Variants in IL19 observed in about 807,000 individuals in gnomAD.
IL19 encodes interleukin 19.
A neutral mutation model predicts 19.5 loss-of-function variants in IL19; 15 were observed. That is an observed-to-expected ratio of 0.77 (90% CI 0.52 to 1.19). The LOEUF (loss-of-function observed/expected upper bound fraction) is 1.19, where lower values mean the gene tolerates loss of function less well. Ranked by LOEUF, IL19 falls within the 50% of genes most tolerant of loss-of-function variation. The probability of loss-of-function intolerance (pLI) is 0.00; values close to 1 mark genes in which losing one functional copy is unlikely to be tolerated. For missense variants in IL19, 199 were observed against 213.1 expected, an observed-to-expected ratio of 0.93 and a Z score of 0.41; for synonymous variants, 78 against 78.3, an observed-to-expected ratio of 1.00 and a Z score of 0.02.
intron 1 of IL19, among the ~76,000 whole-genome samples, chr1:206,775,134 G>A (rs943296136): frequency 6.6e-6 from 1 of 151,652 alleles, no homozygotes; most frequent in African/African-American, 2.4e-5. Context: ...TCTGCCTCCC[G>A]AGTTCAAGCC....
intron 1 of IL19, among the ~76,000 whole-genome samples, chr1:206,791,691 C>T (rs532341040): frequency 2.0e-5 from 3 of 152,316 alleles, no homozygotes; most frequent in Admixed American, 6.5e-5. Context: ...CTCTCACTAG[C>T]GTTTTGGCTT....
intron 1 of IL19, among the ~76,000 whole-genome samples, chr1:206,789,967 G>A (rs116810728): frequency 7.2e-5 from 11 of 152,234 alleles, no homozygotes; most frequent in African/African-American, 2.4e-4. Context: ...CTTTCCAATT[G>A]TGAATTGTGC....
intron 5 of IL19, 121 bp from the exon 6 acceptor site, chr1:206,840,883 A>T: frequency 1.3e-6 from 1 of 770,912 alleles, no homozygotes; most frequent in Non-Finnish European, 2.3e-6. Flanking sequence ...ACCTGAGTTT[A>T]CTCATCTGAC....
intron 2 of IL19, among the ~76,000 whole-genome samples, chr1:206,826,938 C>G (rs1022402400): frequency 1.3e-5 from 2 of 152,200 alleles, no homozygotes; most frequent in African/African-American, 4.8e-5. Context: ...GCCTCCGGTC[C>G]CAGCTCCACC....
chr1:206,777,024 G>C (rs1364056972), intron 1 of IL19, among the ~76,000 whole-genome samples: 3 of 151,448 alleles, frequency 2.0e-5, no homozygotes, highest in Non-Finnish European at 4.4e-5. Flanking sequence ...GAGGTCAGGA[G>C]ATTGAGACCA....
intron 1 of IL19, among the ~76,000 whole-genome samples, chr1:206,796,589 CTATGTTTAGA>C (rs1019331218): frequency 2.2e-4 from 33 of 152,242 alleles, no homozygotes; most frequent in African/African-American, 7.0e-4. Flanking sequence ...TATACCTTTT[CTATGTTTAGA>C]TATGTTTAGA....
At chr1:206,817,846 C>T (rs1029375310) in intron 2 of IL19, among the ~76,000 whole-genome samples, 1 of 151,842 alleles carries the variant, frequency 6.6e-6, no homozygotes, top group Non-Finnish European at 1.5e-5. Context: ...TCACTGCAAC[C>T]TCTGCCTTCT....
At chr1:206,824,694 A>G (rs987001522) in intron 2 of IL19, among the ~76,000 whole-genome samples, 2 of 152,366 alleles carry the variant, frequency 1.3e-5, no homozygotes, top group Middle Eastern at 3.4e-3. Context: ...ACTGAGGCAC[A>G]GAGAGATTAA....
At chr1:206,782,244 C>A (rs1286172310) in intron 1 of IL19, among the ~76,000 whole-genome samples, 1 of 152,024 alleles carries the variant, frequency 6.6e-6, no homozygotes, top group Non-Finnish European at 1.5e-5. Flanking sequence ...CAGTGTTCTG[C>A]ATTTTTTTCC....
chr1:206,791,557 C>T (rs1269286438), intron 1 of IL19, among the ~76,000 whole-genome samples: 2 of 152,178 alleles, frequency 1.3e-5, no homozygotes, highest in African/African-American at 2.4e-5. Flanking sequence ...CCCGCCTTGG[C>T]CTCCCAAAGT....
At chr1:206,831,164 G>T (rs1676599521) in intron 2 of IL19, among the ~76,000 whole-genome samples, 4 of 152,164 alleles carry the variant, frequency 2.6e-5, no homozygotes, top group Admixed American at 1.3e-4. Context: ...AATTGCCCTG[G>T]CATCATTATG....
At chr1:206,824,449 T>G (rs753596155) in intron 2 of IL19, among the ~76,000 whole-genome samples, 28 of 152,184 alleles carry the variant, frequency 1.8e-4, no homozygotes, top group Admixed American at 4.6e-4. Flanking sequence ...AAACATAGAC[T>G]CTCTTCAGTG....
chr1:206,812,625 G>A (rs774620900), intron 2 of IL19, among the ~76,000 whole-genome samples: 1 of 152,150 alleles, frequency 6.6e-6, no homozygotes, highest in African/African-American at 2.4e-5. Context: ...CCAGCCCCTG[G>A]CTAAAGGCAT....
chr1:206,793,710 G>GA (rs1276835963), intron 1 of IL19, among the ~76,000 whole-genome samples: 1 of 152,172 alleles, frequency 6.6e-6, no homozygotes, highest in Non-Finnish European at 1.5e-5. Context: ...ACACGAGGCA[G>GA]AAAAAAATAA....
chr1:206,815,604 C>T (rs1276470495), intron 2 of IL19, among the ~76,000 whole-genome samples: 1 of 152,122 alleles, frequency 6.6e-6, no homozygotes. Flanking sequence ...TTATCCACCA[C>T]GATTTTGGAG....
rs181656413 is a variant in IL19 at position 206,811,561 on chromosome 1, G to A, written c.-3+12555G>A. On this transcript the variant is annotated intron_variant, in intron 2 of 6. Transcript: ENST00000659997. ...TCTTGATTGAAGGTGGACAAATGAC[G>A]CATCCTGTGGATTTCAGTTAATATC... Among the ~76,000 whole-genome samples, 610 of 151,986 alleles carry A rather than the reference G, an allele frequency of 4.0e-3. 2 individuals carry two copies. Among genetic ancestry groups the A allele is most frequent in the South Asian group, 8.9e-3 (43 of 4,806 alleles).
chr1:206,841,224 AAG>A (rs1055512784), intron 6 of IL19, 146 bp downstream of exon 6: 1 of 666,730 alleles, frequency 1.5e-6, no homozygotes, highest in Non-Finnish European at 2.7e-6. Context: ...TGTGTCTGTA[AAG>A]AGAGTTTTGA....
At chr1:206,840,031 C>T in intron 5 of IL19, 29 bp downstream of exon 5, 4 of 1,613,716 alleles carry the variant, frequency 2.5e-6, no homozygotes, top group Non-Finnish European at 3.4e-6. Flanking sequence ...ATTCCAGCAT[C>T]TGCTCCCTGT....
rs964435319 is a variant in IL19 at position 206,799,001 on chromosome 1, C to T, written c.-8C>T. On this transcript the variant is annotated 5_prime_UTR_variant, in exon 2 of 7. Transcript: ENST00000659997. ...GTGCCAGTGCTTTGGGGCTCTGTTC[C>T]ACGGGGTAAGTAATTTCTGCTATAG... is the stretch of plus-strand genomic sequence containing the variant. The T allele has an allele frequency of 1.9e-6, 3 of 1,608,598 alleles. No homozygotes were observed. The highest frequency in any genetic ancestry group is 2.2e-5 in the East Asian group (1 of 44,852).
Sources: allele counts gnomAD v4.1 joint callset (sites outside exome capture counted in the v4.1 genomes callset), GRCh38; gene constraint gnomAD v4.1.1; transcripts MANE v1.5; gene names NCBI Gene and HGNC (gene_info 2026-07-23, HGNC 2026-07-21).